CDK14: variants seen among roughly 807,000 people sequenced by gnomAD.
CDK14 encodes the protein cyclin-dependent kinase 14.
CDK14 carries 34 observed loss-of-function variants against 60.7 expected under a neutral mutation model. The observed-to-expected ratio is 0.56, with a 90% confidence interval of 0.43 to 0.75. CDK14 has a LOEUF of 0.75. CDK14 is among the 30% of genes least tolerant of loss of function. The probability of loss-of-function intolerance (pLI) is 0.00; values close to 1 mark genes in which losing one functional copy is unlikely to be tolerated. For missense variants in CDK14, 482 were observed against 564.1 expected, an observed-to-expected ratio of 0.85 and a Z score of 1.47; for synonymous variants, 197 against 203.7, an observed-to-expected ratio of 0.97 and a Z score of 0.28.
chr7:90,670,688 C>G (rs1011108125), intron 2 of CDK14, among the ~76,000 whole-genome samples: 2 of 152,040 alleles, frequency 1.3e-5, no homozygotes, highest in African/African-American at 4.8e-5. Flanking sequence ...CTTAAACAAC[C>G]AGATCCTGTG....
intron 6 of CDK14, among the ~76,000 whole-genome samples, chr7:90,867,458 A>T (rs1238756720): frequency 6.6e-6 from 1 of 152,238 alleles, no homozygotes; most frequent in African/African-American, 2.4e-5. Flanking sequence ...AAGAATGCTG[A>T]TAGCAAACAT....
chr7:90,945,070 A>C (rs1421347974), intron 8 of CDK14, among the ~76,000 whole-genome samples: 4 of 152,210 alleles, frequency 2.6e-5, no homozygotes, highest in African/African-American at 9.6e-5. Context: ...ATTGGCTGCT[A>C]ACAGTTGGCT....
chr7:90,875,483 G>T (rs150701674), intron 6 of CDK14, among the ~76,000 whole-genome samples: 1 of 151,608 alleles, frequency 6.6e-6, no homozygotes, highest in Non-Finnish European at 1.5e-5. Context: ...CAGTGTATAG[G>T]GGTGCCAATT....
intron 14 of CDK14, among the ~76,000 whole-genome samples, chr7:91,167,255 T>C (rs929062367): frequency 3.9e-5 from 6 of 152,234 alleles, no homozygotes; most frequent in Admixed American, 2.0e-4. Flanking sequence ...CTTCATGGAC[T>C]TGTTTCCAAC....
chr7:91,205,555 G>A (rs1802869089), intron 14 of CDK14, among the ~76,000 whole-genome samples: 1 of 152,174 alleles, frequency 6.6e-6, no homozygotes, highest in African/African-American at 2.4e-5. Context: ...GGGAGTGACT[G>A]CTTAAAGGAT....
At chr7:90,894,627 G>A (rs916253203) in intron 6 of CDK14, among the ~76,000 whole-genome samples, 4 of 152,072 alleles carry the variant, frequency 2.6e-5, no homozygotes, top group Non-Finnish European at 5.9e-5. Context: ...TTTTAAACAA[G>A]AAGCTTGAAT....
chr7:90,692,179 C>T (rs1330771802), intron 2 of CDK14, among the ~76,000 whole-genome samples: 1 of 152,140 alleles, frequency 6.6e-6, no homozygotes. Context: ...ACCAGTATTT[C>T]TAGCTTTTCT....
In CDK14 at chr7:90,648,793, T is replaced by C. The variant is rs1056931977; in HGVS notation, c.123+44544T>C. ...TTCTTTATGCCCTGTCCTATGAAAC[T>C]TCTGGCCCAAATAAATAGGAAATAG... is the stretch of plus-strand genomic sequence containing the variant. On this transcript the variant is annotated intron_variant, in intron 2 of 14. Coordinates refer to ENST00000380050, the MANE Select transcript of CDK14 (RefSeq NM_001287135.2). Among the ~76,000 whole-genome samples the C allele has an allele frequency of 9.8e-5, 15 of 152,334 alleles. No individual in the cohort carries two copies. The South Asian group carries it at 1.9e-3, about 19-fold the overall frequency.
At chr7:90,643,723 AGG>A (rs1584764065) in intron 2 of CDK14, among the ~76,000 whole-genome samples, 1 of 152,206 alleles carries the variant, frequency 6.6e-6, no homozygotes, top group East Asian at 1.9e-4. Flanking sequence ...CTGTCTTCTC[AGG>A]GTAGAATGGC....
chr7:90,680,119 A>G (rs17715912), intron 2 of CDK14, among the ~76,000 whole-genome samples: 11,033 of 152,130 alleles, frequency 0.073, 543 homozygotes, highest in East Asian at 0.19. Flanking sequence ...ATATCCCTGT[A>G]AAACCTTTAT....
chr7:90,807,641 G>T (rs1471521523), intron 5 of CDK14, among the ~76,000 whole-genome samples: 1 of 152,224 alleles, frequency 6.6e-6, no homozygotes, highest in Non-Finnish European at 1.5e-5. Flanking sequence ...GTTGAGAGAA[G>T]CAGGCTTCAG....
intron 6 of CDK14, among the ~76,000 whole-genome samples, chr7:90,867,698 T>G (rs893065805): frequency 1.3e-5 from 2 of 152,018 alleles, no homozygotes; most frequent in African/African-American, 4.8e-5. Context: ...ACAAGATGGA[T>G]GATAAAAGTT....
chr7:90,866,533 A>G (rs1304112729), intron 6 of CDK14, among the ~76,000 whole-genome samples: 1 of 152,180 alleles, frequency 6.6e-6, no homozygotes, highest in Non-Finnish European at 1.5e-5. Context: ...TTTAAGATTC[A>G]TTAGATACTA....
intron 5 of CDK14, among the ~76,000 whole-genome samples, chr7:90,830,378 G>A (rs1789876031): frequency 6.6e-6 from 1 of 152,180 alleles, no homozygotes; most frequent in Non-Finnish European, 1.5e-5. Flanking sequence ...GCCATGGCTG[G>A]AGCTGGAATG....
intron 2 of CDK14, among the ~76,000 whole-genome samples, chr7:90,636,851 G>C (rs1286533375): frequency 3.3e-5 from 5 of 151,958 alleles, no homozygotes; most frequent in Non-Finnish European, 5.9e-5. Flanking sequence ...CTTCTTCCTG[G>C]TTTAGTCTTG....
intron 5 of CDK14, among the ~76,000 whole-genome samples, chr7:90,805,946 CAT>C (rs1788809994): frequency 1.3e-5 from 2 of 152,252 alleles, no homozygotes; most frequent in African/African-American, 2.4e-5. Flanking sequence ...TGAAAATAAA[CAT>C]ATTGATTCAC....
intron 12 of CDK14, among the ~76,000 whole-genome samples, chr7:91,106,115 G>A (rs1799288711): frequency 6.6e-6 from 1 of 152,146 alleles, no homozygotes. Flanking sequence ...GTAATGGCTG[G>A]GATTTTTTCT....
chr7:91,054,088 A>ATTTTTTTTTTTTTTT (rs10675646), intron 11 of CDK14, among the ~76,000 whole-genome samples: 3 of 112,946 alleles, frequency 2.7e-5, no homozygotes, highest in African/African-American at 3.6e-5. Context: ...CTGCAAAATA[A>ATTTTTTTTTTTTTTT]TTTTTTTTTT....
At chr7:90,992,984 G>A (rs1217363230) in intron 10 of CDK14, among the ~76,000 whole-genome samples, 1 of 152,132 alleles carries the variant, frequency 6.6e-6, no homozygotes, top group Admixed American at 6.6e-5. Flanking sequence ...ATGAGAGTTA[G>A]TATAGATACA....
Sources: gnomAD v4.1 joint callset for allele counts (sites outside exome capture counted in the v4.1 genomes callset) on GRCh38, gnomAD v4.1.1 for gene constraint, MANE v1.5 for transcripts, NCBI Gene and HGNC (gene_info 2026-07-23, HGNC 2026-07-21) for gene names.